Variants in RRM2 observed in about 807,000 individuals in gnomAD.
RRM2 encodes the protein ribonucleoside-diphosphate reductase subunit M2.
In RRM2, 6 loss-of-function variants were observed where a neutral mutation model predicts 45.9. That is an observed-to-expected ratio of 0.13 (90% confidence interval 0.07 to 0.26). The LOEUF is 0.26. Among genes scored for constraint, RRM2 ranks in the 10% least tolerant of loss-of-function variants. The pLI, the probability that RRM2 is intolerant of heterozygous loss-of-function variation, is 1.00. For missense variants in RRM2, 343 were observed against 489.5 expected, an observed-to-expected ratio of 0.70 and a Z score of 2.82; for synonymous variants, 177 against 173.0, an observed-to-expected ratio of 1.02 and a Z score of -0.18.
Position 10,171,719 on chromosome 2 carries a change from G to A in RRM2, n.482+29344G>A, listed in dbSNP as rs1663811256. Among the ~76,000 whole-genome samples the A allele has an allele frequency of 6.6e-6, 1 of 152,216 alleles. No individual in the cohort carries two copies. The highest frequency in any genetic ancestry group is 1.5e-5 in the Non-Finnish European group (1 of 68,044). ...AGCCGAGCAGGGCAGCCGGGCAGAGGCAGGAATGAATCCTACTCAGCTGCA... is the reference window on the plus strand; with the variant it reads ...AGCCGAGCAGGGCAGCCGGGCAGAGACAGGAATGAATCCTACTCAGCTGCA... On this transcript the variant is annotated intron_variant and non_coding_transcript_variant, in intron 3 of 3. Coordinates refer to the RRM2 transcript ENST00000381786. The surrounding 1 kb of genome is among the most constrained non-coding windows in gnomAD (Gnocchi z 4.1).
chr2:10,158,382 C>T (rs1663479552), intron 3 of RRM2, among the ~76,000 whole-genome samples: 2 of 152,140 alleles, frequency 1.3e-5, no homozygotes, highest in Non-Finnish European at 2.9e-5. Context: ...TTTGAACCTA[C>T]AGCCTTCCAT....
chr2:10,166,326 C>T (rs1316604562), intron 3 of RRM2, among the ~76,000 whole-genome samples: 1 of 152,206 alleles, frequency 6.6e-6, no homozygotes, highest in Non-Finnish European at 1.5e-5. Context: ...GCCCACAGCC[C>T]TTCTCCCGGG....
downstream of RRM2, among the ~76,000 whole-genome samples, chr2:10,136,224 T>C (rs750916007): frequency 9.4e-4 from 143 of 152,152 alleles, no homozygotes; most frequent in Non-Finnish European, 1.2e-3. Context: ...CACACTGGAA[T>C]CTCAATAAAG....
At chr2:10,158,728 T>C (rs550669312) in intron 3 of RRM2, among the ~76,000 whole-genome samples, 2 of 152,224 alleles carry the variant, frequency 1.3e-5, no homozygotes, top group East Asian at 1.9e-4. Context: ...ATTTCAATAA[T>C]AAGCAGCCAA....
intron 3 of RRM2, among the ~76,000 whole-genome samples, chr2:10,153,572 G>A (rs1205462459): frequency 6.6e-6 from 1 of 151,900 alleles, no homozygotes; most frequent in African/African-American, 2.4e-5. Context: ...CGAGGTTTCT[G>A]TTTTTTTCTT....
At position 10,209,590 on chromosome 2, in the gene RRM2, TGC is replaced by T. The variant is rs1221865212; in HGVS notation, n.483-713_483-712del. On this transcript the variant is annotated intron_variant and non_coding_transcript_variant, in intron 3 of 3. Transcript: ENST00000381786. ...ACGTGCTTGCATGTGTGTGTGTGTG[TGC>T]GCGCGCGTGTGTGTGCGTGCATGCG... 3.6e-5 allele frequency among the ~76,000 whole-genome samples: 5 copies of T among 138,152 alleles called. No homozygotes were observed. In the East Asian group the frequency reaches 1.1e-3, roughly 31 times the overall value. 90.6% of individuals were successfully genotyped at this position (138,152 alleles called of 152,430 possible).
intron 3 of RRM2, chr2:10,142,521 T>C (rs1366754481): frequency 6.2e-5 from 49 of 795,124 alleles, no homozygotes; most frequent in Non-Finnish European, 8.6e-5. Context: ...ACTGCCAGCC[T>C]CTGCCGTTCT....
intron 4 of RRM2, chr2:10,124,068 G>A: frequency 1.9e-6 from 1 of 534,108 alleles, no homozygotes; most frequent in Non-Finnish European, 3.3e-6. Flanking sequence ...TTAAGTGGTA[G>A]CAATGTGATG....
At chr2:10,145,931 C>T (rs1663177281) in intron 3 of RRM2, 1 of 152,316 alleles carries the variant, frequency 6.6e-6, no homozygotes, top group Admixed American at 6.5e-5. Context: ...GACTGTGGAT[C>T]CAAGGCTGCC....
intron 3 of RRM2, among the ~76,000 whole-genome samples, chr2:10,184,894 GTGTT>G (rs1312583788): frequency 1.3e-5 from 2 of 152,214 alleles, no homozygotes; most frequent in African/African-American, 4.8e-5. Flanking sequence ...ATCCTGTAGA[GTGTT>G]TGTGGGTTTA....
Position 10,127,164 on chromosome 2 carries a change from A to G in RRM2, c.742A>G (p.Lys248Glu). The change falls in exon 7 of 10, where the codon AAA (lysine) becomes GAA (glutamate). Residue 248 changes from lysine to glutamate, a missense_variant. By Grantham distance (56) the Lys-to-Glu change is moderately conservative. Transcript: ENST00000304567. This position sits in a 1 kb window ranked among gnomAD's most constrained non-coding sequence, Gnocchi z 4.1. The stretch of plus-strand genomic sequence containing the variant: ...TTTTGCGTCGATATTCTGGCTCAAG[A>G]AACGAGGACTGATGCCTGGCCTCAC... The part of the protein sequence containing the change: ...GSFASIFWLK[K>E]RGLMPGLTFS... 6.2e-7 allele frequency: 1 copy of G among 1,614,214 alleles called. No individual in the cohort carries two copies. Among genetic ancestry groups the G allele is most frequent in the Non-Finnish European group, 8.5e-7 (1 of 1,180,040 alleles).
At position 10,156,632 on chromosome 2, in the gene RRM2, G is replaced by C. The variant is rs556914109; in HGVS notation, n.482+14257G>C. On this transcript the variant is annotated intron_variant and non_coding_transcript_variant, in intron 3 of 3. Transcript: ENST00000381786. ...TTATTGAGCTTTGACAATGTGTGAG[G>C]GACTGCTTGATTGATTGACTGATTG... is the stretch of plus-strand genomic sequence containing the variant. 1.4e-4 allele frequency among the ~76,000 whole-genome samples: 21 copies of C among 152,306 alleles called. No individual in the cohort carries two copies. The East Asian group carries it at 3.3e-3, about 24-fold the overall frequency.
intron 3 of RRM2, among the ~76,000 whole-genome samples, chr2:10,147,396 C>A (rs1421901265): frequency 2.0e-5 from 3 of 152,088 alleles, no homozygotes; most frequent in Admixed American, 1.3e-4. Flanking sequence ...GATCCTCCCA[C>A]CTCATCTGAG....
intron 3 of RRM2, among the ~76,000 whole-genome samples, chr2:10,161,802 G>A (rs1337494318): frequency 1.3e-5 from 2 of 152,226 alleles, no homozygotes; most frequent in African/African-American, 4.8e-5. Flanking sequence ...TTCATGGGAA[G>A]CTGATTCAGA....
intron 3 of RRM2, among the ~76,000 whole-genome samples, chr2:10,162,913 A>C (rs945022451): frequency 2.6e-5 from 4 of 152,192 alleles, no homozygotes; most frequent in Admixed American, 1.3e-4. Flanking sequence ...ATGGCCGTCC[A>C]CTGCAGGTCC....
chr2:10,210,841 C>T (rs1664749793), exon 4 of RRM2: 2 of 337,670 alleles, frequency 5.9e-6, no homozygotes, highest in Non-Finnish European at 1.2e-5. Context: ...GGTGGAGACC[C>T]ATGCTGGGGT....
At chr2:10,134,771 T>C (rs778065167), downstream of RRM2, among the ~76,000 whole-genome samples, 1 of 152,174 alleles carries the variant, frequency 6.6e-6, no homozygotes, top group Non-Finnish European at 1.5e-5. Flanking sequence ...AAGAGTGGAC[T>C]TGTGAGTTGG....
intron 3 of RRM2, among the ~76,000 whole-genome samples, chr2:10,161,102 C>G (rs867788890): frequency 2.0e-5 from 3 of 152,214 alleles, no homozygotes; most frequent in Non-Finnish European, 4.4e-5. Flanking sequence ...GGGTCTCGCT[C>G]TGTGGCCCAG....
Position 10,127,321 on chromosome 2 carries a change from TC to T in RRM2, c.798+103del. 1 of 1,203,108 alleles carries T rather than the reference TC, an allele frequency of 8.3e-7. No individual in the cohort carries two copies. Among genetic ancestry groups the T allele is most frequent in the Non-Finnish European group, 1.2e-6 (1 of 852,168 alleles). The allele number at this position is 1,203,108 out of a possible 1,614,324, so 74.5% of individuals were successfully genotyped here. On this transcript the variant is annotated intron_variant, in intron 7 of 9. Coordinates refer to ENST00000304567, the MANE Select transcript of RRM2 (RefSeq NM_001034.4). The surrounding 1 kb of genome is among the most constrained non-coding windows in gnomAD (Gnocchi z 4.1). The stretch of plus-strand genomic sequence containing the variant: ...GACCTGAGATGCTAGATGGCATATA[TC>T]CACATTTAATGTGTGAGTTCAACCA...
Sources: allele counts gnomAD v4.1 joint callset (sites outside exome capture counted in the v4.1 genomes callset), GRCh38; gene constraint gnomAD v4.1.1; non-coding constraint Gnocchi (gnomAD v3.1); transcripts MANE v1.5; gene names NCBI Gene and HGNC (gene_info 2026-07-23, HGNC 2026-07-21).